MAP3K20: variants seen among roughly 807,000 people sequenced by gnomAD.
MAP3K20 encodes mitogen-activated protein kinase kinase kinase 20.
A neutral mutation model predicts 85.7 loss-of-function variants in MAP3K20; 40 were observed. That is an observed-to-expected ratio of 0.47 (90% confidence interval 0.36 to 0.61). The LOEUF is 0.61. Among genes scored for constraint, MAP3K20 ranks in the 20% least tolerant of loss-of-function variants. MAP3K20 has a pLI of 0.00. For missense variants in MAP3K20, 817 were observed against 961.7 expected, an observed-to-expected ratio of 0.85 and a Z score of 1.99; for synonymous variants, 325 against 327.7, an observed-to-expected ratio of 0.99 and a Z score of 0.09.
chr2:173,243,845 C>G (rs979261818), intron 16 of MAP3K20, among the ~76,000 whole-genome samples: 3 of 152,134 alleles, frequency 2.0e-5, no homozygotes, highest in Non-Finnish European at 4.4e-5. Flanking sequence ...CCAGGATGGT[C>G]TCGATCTCCT....
chr2:173,165,239 TCTCTACTGAAA>T (rs1387275550), intron 2 of MAP3K20, among the ~76,000 whole-genome samples: 6 of 150,922 alleles, frequency 4.0e-5, no homozygotes, highest in African/African-American at 9.8e-5. Context: ...TGAAACCCTG[TCTCTACTGAAA>T]AAAAAAAAAT....
intron 2 of MAP3K20, among the ~76,000 whole-genome samples, chr2:173,121,873 A>G (rs1688304795): frequency 6.6e-6 from 1 of 152,144 alleles, no homozygotes; most frequent in Non-Finnish European, 1.5e-5. Context: ...GGGGAAGTCC[A>G]TGTTACTAAG....
intron 2 of MAP3K20, among the ~76,000 whole-genome samples, chr2:173,116,865 C>T (rs1181932983): frequency 6.6e-6 from 1 of 152,200 alleles, no homozygotes; most frequent in Admixed American, 6.5e-5. Context: ...AGTCTCTGAA[C>T]AGTAAATATT....
chr2:173,257,228 T>TA (rs1685182238), intron 16 of MAP3K20, among the ~76,000 whole-genome samples: 1 of 152,134 alleles, frequency 6.6e-6, no homozygotes, highest in Non-Finnish European at 1.5e-5. Context: ...ATTTAATATA[T>TA]ATATTCACTA....
At chr2:173,088,423 T>A (rs1687201301) in intron 1 of MAP3K20, among the ~76,000 whole-genome samples, 1 of 152,206 alleles carries the variant, frequency 6.6e-6, no homozygotes, top group Admixed American at 6.5e-5. Context: ...AACTAAATTC[T>A]TGTCTTCCAC....
chr2:173,232,224 C>T lies in MAP3K20; in HGVS notation c.1063+2C>T, dbSNP rs1684538552. The T allele has an allele frequency of 6.2e-6, 10 of 1,614,082 alleles. No individual in the cohort carries two copies. The Admixed American group carries it at 1.5e-4, about 24-fold the overall frequency. ...GGGTTCAGCAGCTCGTCAGAAAAGG[C>T]AAGTGGAATAAGTTACCTTCTTCAA... On this transcript the variant is annotated splice_donor_variant, in intron 13 of 19. Transcript: ENST00000375213. LOFTEE classifies it low-confidence loss of function (GC_TO_GT_DONOR).
chr2:173,143,073 T>C (rs1241257223), intron 2 of MAP3K20, among the ~76,000 whole-genome samples: 1 of 152,090 alleles, frequency 6.6e-6, no homozygotes. Flanking sequence ...GACCCAACTA[T>C]ATGCTATCTA....
intron 9 of MAP3K20, among the ~76,000 whole-genome samples, chr2:173,205,518 T>C (rs1683655383): frequency 6.6e-6 from 1 of 152,182 alleles, no homozygotes; most frequent in Non-Finnish European, 1.5e-5. Flanking sequence ...CAAAGTGTAA[T>C]AATGCAGCCA....
intron 12 of MAP3K20, among the ~76,000 whole-genome samples, chr2:173,231,097 A>T (rs1465269430): frequency 6.6e-6 from 1 of 152,240 alleles, no homozygotes; most frequent in Admixed American, 6.5e-5. Context: ...GAAAAAAACA[A>T]AAGATGTAAT....
intron 2 of MAP3K20, among the ~76,000 whole-genome samples, chr2:173,154,843 A>G (rs1030308288): frequency 6.6e-6 from 1 of 152,182 alleles, no homozygotes; most frequent in Non-Finnish European, 1.5e-5. Flanking sequence ...TCAGAATTCC[A>G]AGTTACTTAG....
At chr2:173,078,117 A>C (rs1035423567) in intron 1 of MAP3K20, among the ~76,000 whole-genome samples, 7 of 152,246 alleles carry the variant, frequency 4.6e-5, no homozygotes, top group African/African-American at 1.7e-4. Flanking sequence ...GTGTGGAGTG[A>C]CAGAGCAAAA....
intron 2 of MAP3K20, among the ~76,000 whole-genome samples, chr2:173,134,428 A>ATATATATATATATATTTT (rs56330241): frequency 3.2e-4 from 1 of 3,154 alleles, no homozygotes; most frequent in Non-Finnish European, 6.4e-4. Context: ...ATATATATAT[A>ATATATATATATATATTTT]TTTTTTTTTT....
chr2:173,181,976 A>G (rs1279376961), intron 3 of MAP3K20, among the ~76,000 whole-genome samples: 2 of 151,744 alleles, frequency 1.3e-5, no homozygotes, highest in Non-Finnish European at 2.9e-5. Flanking sequence ...GGATTGCTTG[A>G]GCCTGGGAGG....
chr2:173,243,628 T>G lies in MAP3K20; in HGVS notation c.1359+4132T>G, dbSNP rs192373166. ...AGGATCAGATTTATGTTTTTTTGTT[T>G]GTTTTTTGAGACGGAATCTCGCTCT... On this transcript the variant is annotated intron_variant, in intron 16 of 19. Transcript: ENST00000375213. Among the ~76,000 whole-genome samples the G allele has an allele frequency of 2.5e-3, 386 of 152,274 alleles. 2 individuals are homozygous for G. Among genetic ancestry groups the G allele is most frequent in the African/African-American group, 9.0e-3 (373 of 41,506 alleles).
chr2:173,114,283 C>T, intron 2 of MAP3K20, among the ~76,000 whole-genome samples: 1 of 152,000 alleles, frequency 6.6e-6, no homozygotes, highest in Non-Finnish European at 1.5e-5. Context: ...TACTTATGGG[C>T]TAGGTGAGTC....
Position 173,210,235 on chromosome 2 carries a change from C to A in MAP3K20, c.851+400C>A, listed in dbSNP as rs188749243. 1.5e-3 allele frequency: 284 copies of A among 189,792 alleles called. 5 individuals carry two copies. The highest frequency in any genetic ancestry group is 2.3e-3 in the Non-Finnish European group (207 of 90,750). The allele number at this position is 189,792 out of a possible 1,614,324, so 11.8% of individuals were successfully genotyped here. A position where few individuals can be genotyped will look rare whatever the true frequency, so the allele number is the denominator to read the frequency against. On this transcript the variant is annotated intron_variant, in intron 10 of 19. Coordinates refer to ENST00000375213, the MANE Select transcript of MAP3K20 (RefSeq NM_016653.3). ...AGGTGTGGTGGCACATGCCTGTAAT[C>A]CCAGCTACTCAGGAGGCTGAGGCAG...
intron 2 of MAP3K20, among the ~76,000 whole-genome samples, chr2:173,122,901 A>G (rs545790485): frequency 7.1e-4 from 108 of 152,302 alleles, no homozygotes; most frequent in South Asian, 5.2e-3. Flanking sequence ...CAGGAAGCTC[A>G]TCTCAGTCGT....
chr2:173,263,957 C>G, intron 19 of MAP3K20, 62 bp downstream of exon 19: 1 of 1,550,240 alleles, frequency 6.5e-7, no homozygotes, highest in Non-Finnish European at 8.7e-7. Flanking sequence ...ATGACATTTC[C>G]AGATGATCTA....
intron 14 of MAP3K20, 140 bp downstream of exon 14, chr2:173,232,599 G>C (rs1005984619): frequency 7.7e-7 from 1 of 1,291,968 alleles, no homozygotes; most frequent in Non-Finnish European, 1.1e-6. Flanking sequence ...CGCCTCCTGG[G>C]TTCAAGTGAT....
Sources: gnomAD v4.1 joint callset for allele counts (sites outside exome capture counted in the v4.1 genomes callset) on GRCh38, gnomAD v4.1.1 for gene constraint, MANE v1.5 for transcripts, NCBI Gene and HGNC (gene_info 2026-07-23, HGNC 2026-07-21) for gene names.